The following STPG2 variants were observed in gnomAD, a reference collection of about 807,000 sequenced individuals.
The protein encoded by STPG2 is sperm tail PG-rich repeat containing 2.
STPG2 carries 56 observed loss-of-function variants against 54.2 expected under a neutral mutation model. The ratio of observed to expected loss-of-function variants is 1.03; its 90% confidence interval spans 0.83 to 1.29. STPG2 has a LOEUF of 1.29. Ranked by LOEUF, STPG2 falls within the 50% of genes most tolerant of loss-of-function variation. STPG2 has a pLI of 0.00. For synonymous variants in STPG2, 200 were observed against 181.8 expected, an observed-to-expected ratio of 1.10 and a Z score of -0.81; for missense variants, 596 against 544.9, an observed-to-expected ratio of 1.09 and a Z score of -0.93.
intron 10 of STPG2, among the ~76,000 whole-genome samples, chr4:97,695,262 G>GA (rs1382274296): frequency 6.6e-6 from 1 of 152,056 alleles, no homozygotes; most frequent in East Asian, 1.9e-4. Context: ...CATCTCAATA[G>GA]ATACAGAAAA....
intron 10 of STPG2, among the ~76,000 whole-genome samples, chr4:97,643,294 T>C (rs577997805): frequency 5.9e-5 from 9 of 151,772 alleles, no homozygotes; most frequent in African/African-American, 1.9e-4. Flanking sequence ...TAAATTATTA[T>C]GGAGAAATTC....
intron 8 of STPG2, among the ~76,000 whole-genome samples, chr4:97,878,406 C>T (rs1015104512): frequency 1.3e-5 from 2 of 152,214 alleles, no homozygotes; most frequent in African/African-American, 4.8e-5. Flanking sequence ...AAACTCTTGC[C>T]TGGACATTCA....
At chr4:97,620,268 T>C (rs940028479) in intron 10 of STPG2, among the ~76,000 whole-genome samples, 15 of 152,232 alleles carry the variant, frequency 9.9e-5, no homozygotes, top group African/African-American at 3.6e-4. Context: ...GAAAGAGTTA[T>C]AAAAGTTGCA....
chr4:97,843,751 G>A (rs1019317119), intron 8 of STPG2, among the ~76,000 whole-genome samples: 2 of 151,848 alleles, frequency 1.3e-5, no homozygotes, highest in Non-Finnish European at 2.9e-5. Flanking sequence ...GGGTCAGCCT[G>A]TTTGTATTTT....
At chr4:97,485,802 G>T (rs1187054636) in intron 4 of STPG2, among the ~76,000 whole-genome samples, 3 of 151,888 alleles carry the variant, frequency 2.0e-5, no homozygotes, top group Admixed American at 6.6e-5. Flanking sequence ...ATACTTTAAG[G>T]CCATAGTCAC....
intron 9 of STPG2, among the ~76,000 whole-genome samples, chr4:97,834,560 T>C (rs1238930989): frequency 6.6e-6 from 1 of 152,084 alleles, no homozygotes. Context: ...AGGCCAAATA[T>C]AATAAAGCAA....
intron 9 of STPG2, among the ~76,000 whole-genome samples, chr4:97,798,214 C>A (rs1020122921): frequency 2.6e-5 from 4 of 151,964 alleles, no homozygotes; most frequent in Admixed American, 2.0e-4. Flanking sequence ...TTATTTCTTG[C>A]CTTCTGCTAG....
At chr4:97,582,628 A>G (rs559899453) in intron 10 of STPG2, among the ~76,000 whole-genome samples, 3 of 152,198 alleles carry the variant, frequency 2.0e-5, no homozygotes, top group African/African-American at 4.8e-5. Context: ...AATGGGAAAG[A>G]AAAAGCCTAA....
intron 4 of STPG2, among the ~76,000 whole-genome samples, chr4:98,106,271 T>G (rs2865980): frequency 0.4 from 59,959 of 151,750 alleles, 12,079 homozygotes; most frequent in Middle Eastern, 0.46. Context: ...CCAATTCAGA[T>G]CATTATTATA....
At chr4:97,928,521 C>A (rs1732419704) in intron 8 of STPG2, among the ~76,000 whole-genome samples, 2 of 152,136 alleles carry the variant, frequency 1.3e-5, no homozygotes, top group South Asian at 4.1e-4. Flanking sequence ...TAATCATATA[C>A]AAGGGTCTAA....
In STPG2 at chr4:97,943,946, T is replaced by C. The variant is rs368781633; in HGVS notation, c.995A>G (p.Tyr332Cys). 31 of 1,600,314 alleles carry C rather than the reference T, an allele frequency of 1.9e-5. No homozygotes were observed. The African/African-American group carries it at 4.1e-4, about 21-fold the overall frequency. ...SDELPNLTNK[Y>C]AAFLSRAKRT... The stretch of plus-strand genomic sequence containing the variant: ...TTTGGCTCTTGACAAGAAAGCAGCA[T>C]ATTTGTTAGTCAAGTTAGGTAATTC... Residue 332 changes from tyrosine to cysteine, a missense_variant, in exon 8 of 11, where the codon TAT (tyrosine) becomes TGT (cysteine). Physicochemically the swap from Tyr to Cys is radical, Grantham distance 194. Coordinates refer to ENST00000295268, the MANE Select transcript of STPG2 (RefSeq NM_174952.3).
At chr4:98,121,720 ATTT>A (rs71600247) in intron 3 of STPG2, among the ~76,000 whole-genome samples, 3 of 150,946 alleles carry the variant, frequency 2.0e-5, no homozygotes, top group Admixed American at 6.6e-5. Context: ...AATGCCTGTG[ATTT>A]TTTTTGTGTG....
chr4:97,973,549 C>T (rs1477719885), intron 6 of STPG2, among the ~76,000 whole-genome samples: 1 of 152,174 alleles, frequency 6.6e-6, no homozygotes, highest in Non-Finnish European at 1.5e-5. Context: ...ATGTTAATCC[C>T]CAAGACAATG....
At chr4:97,590,591 A>G (rs1733116157) in intron 10 of STPG2, among the ~76,000 whole-genome samples, 1 of 151,404 alleles carries the variant, frequency 6.6e-6, no homozygotes, top group African/African-American at 2.4e-5. Context: ...ATGGTGAATT[A>G]GTATCCAAGA....
At chr4:97,467,784 T>C (rs1368846992) in intron 4 of STPG2, among the ~76,000 whole-genome samples, 1 of 151,218 alleles carries the variant, frequency 6.6e-6, no homozygotes, top group African/African-American at 2.4e-5. Context: ...CCAGGTACTC[T>C]ATAAGTCATC....
chr4:98,062,775 A>G (rs1395172531), intron 5 of STPG2, among the ~76,000 whole-genome samples: 1 of 152,192 alleles, frequency 6.6e-6, no homozygotes, highest in East Asian at 1.9e-4. Flanking sequence ...AACCGCAATT[A>G]CTTTTGTACT....
chr4:97,911,727 G>A (rs373624806), intron 8 of STPG2, among the ~76,000 whole-genome samples: 1 of 152,126 alleles, frequency 6.6e-6, no homozygotes, highest in African/African-American at 2.4e-5. Context: ...AGCGACAAAG[G>A]TCTTCACGGT....
At chr4:98,010,842 A>C (rs1735722915) in intron 5 of STPG2, among the ~76,000 whole-genome samples, 1 of 152,192 alleles carries the variant, frequency 6.6e-6, no homozygotes, top group South Asian at 2.1e-4. Flanking sequence ...AAAATGTCTG[A>C]AGTTATAACA....
intron 7 of STPG2, among the ~76,000 whole-genome samples, chr4:97,971,993 T>C (rs1578745372): frequency 1.3e-5 from 2 of 152,154 alleles, no homozygotes; most frequent in Admixed American, 6.5e-5. Flanking sequence ...TGGTTTAAAC[T>C]TATGTGCCTT....
Sources: allele counts gnomAD v4.1 joint callset (sites outside exome capture counted in the v4.1 genomes callset), GRCh38; gene constraint gnomAD v4.1.1; transcripts MANE v1.5; gene names NCBI Gene and HGNC (gene_info 2026-07-23, HGNC 2026-07-21).